The following SERPINB1 variants were observed in gnomAD, a reference collection of about 807,000 sequenced individuals.
SERPINB1 encodes leukocyte elastase inhibitor.
A neutral mutation model predicts 25.9 loss-of-function variants in SERPINB1; 23 were observed. The observed-to-expected ratio is 0.89, with a 90% CI of 0.64 to 1.26. SERPINB1 has a LOEUF of 1.26. Ranked by LOEUF, SERPINB1 falls within the 50% of genes most tolerant of loss-of-function variation. The probability of loss-of-function intolerance (pLI) is 0.00; values close to 1 mark genes in which losing one functional copy is unlikely to be tolerated. For missense variants in SERPINB1, 399 were observed against 463.6 expected, an observed-to-expected ratio of 0.86 and a Z score of 1.28; for synonymous variants, 178 against 178.7, an observed-to-expected ratio of 1.00 and a Z score of 0.03.
chr6:2,839,528 AC>A (rs1215336110), intron 2 of SERPINB1: 8 of 962,382 alleles, frequency 8.3e-6, no homozygotes, highest in African/African-American at 1.8e-5. Flanking sequence ...TTTAAAAAAA[AC>A]ATTTAAAATG....
In SERPINB1 at chr6:2,838,610, G is replaced by A. The variant is rs34825616; in HGVS notation, c.245C>T (p.Ala82Val). ...SLNADINKRG[A>V]SYILKLANRL... The stretch of plus-strand genomic sequence containing the variant: ...ATTAGCAAGTTTCAGAATATAAGAC[G>A]CTCCACGTTTGTTGATATCAGCATT... Residue 82 changes from alanine to valine, a missense_variant, in exon 3 of 7, where the codon GCG becomes GTG. Physicochemically the swap from Ala to Val is moderately conservative, Grantham distance 64. Transcript: ENST00000380739. The A allele has an allele frequency of 2.3e-3, 3,700 of 1,609,668 alleles. 68 individuals carry two copies. In the African/African-American group the frequency reaches 0.044, roughly 19 times the overall value.
In SERPINB1 at chr6:2,838,661, T is replaced by A; in HGVS notation, c.194A>T (p.Glu65Val). The A allele has an allele frequency of 6.3e-7, 1 of 1,592,794 alleles. No homozygotes were observed. The highest frequency in any genetic ancestry group is 8.5e-7 in the Non-Finnish European group (1 of 1,170,640). ...SKTFHFNTVE[E>V]VHSRFQSLNA... ...CAGACTCTGGAATCTTGAATGAACCTCTTCAACCGTGTTGAAATGGAAAGT... is the reference window on the plus strand; with the variant it reads ...CAGACTCTGGAATCTTGAATGAACCACTTCAACCGTGTTGAAATGGAAAGT... The change falls in exon 3 of 7, where the codon GAG becomes GTG. Residue 65 changes from glutamate (E) to valine (V), a missense_variant. Coordinates refer to ENST00000380739, the MANE Select transcript of SERPINB1 (RefSeq NM_030666.4).
rs1766535478 is a variant in SERPINB1, at chr6:2,837,784, G to C, written c.424+98C>G. 1 of 884,596 alleles carries C rather than the reference G, an allele frequency of 1.1e-6. No individual in the cohort carries two copies. Among genetic ancestry groups the C allele is most frequent in the African/African-American group, 1.6e-5 (1 of 60,690 alleles). The allele number at this position is 884,596 out of a possible 1,614,324, so 54.8% of individuals were successfully genotyped here. A position where few individuals can be genotyped will look rare whatever the true frequency, so the allele number is the denominator to read the frequency against. On this transcript the variant is annotated intron_variant, in intron 4 of 6. Transcript: ENST00000380739. The surrounding 1 kb of genome is among the most constrained non-coding windows in gnomAD (Gnocchi z 4.3). The stretch of plus-strand genomic sequence containing the variant: ...TAACCACGATGTGCGCCAGGACTGT[G>C]GGAGCTGGGGAGGGAATAACTGCAG...
intron 1 of SERPINB1, 28 bp from the exon 2 acceptor site, chr6:2,840,622 T>C (rs754593068): frequency 1.3e-6 from 2 of 1,566,466 alleles, no homozygotes; most frequent in Non-Finnish European, 1.7e-6. Context: ...GTCCTCATGG[T>C]GCCCACTGCC....
Position 2,835,803 on chromosome 6 carries a change from T to G in SERPINB1, c.735+53A>C, listed in dbSNP as rs570593536. ...ACACTTAACAAGCACCTACCTACCA[T>G]GCGACACACACATGCAAGAGGAACC... is the stretch of plus-strand genomic sequence containing the variant. On this transcript the variant is annotated intron_variant, in intron 6 of 6. Coordinates refer to ENST00000380739, the MANE Select transcript of SERPINB1 (RefSeq NM_030666.4). 27 of 1,562,754 alleles carry G rather than the reference T, an allele frequency of 1.7e-5. No individual in the cohort carries two copies. In the East Asian group the frequency reaches 5.9e-4, roughly 34 times the overall value.
rs1401371290 is a variant in SERPINB1, at chr6:2,838,565, G to A, written c.290C>T (p.Thr97Ile). 1 of 1,599,108 alleles carries A rather than the reference G, an allele frequency of 6.3e-7. No individual in the cohort carries two copies. Among genetic ancestry groups the A allele is most frequent in the Non-Finnish European group, 8.5e-7 (1 of 1,173,510 alleles). Reference protein sequence around the residue: ...KLANRLYGEKTYNFLPEFLVS... With the variant: ...KLANRLYGEKIYNFLPEFLVS... ...AGTACTTACAGGAAGGAAATTGTAA[G>A]TTTTCTCTCCATATAATCTATTAGC... The change falls in exon 3 of 7, where the codon ACT (threonine) becomes ATT (isoleucine). Residue 97 changes from threonine (T) to isoleucine (I), a missense_variant. Transcript: ENST00000380739.
chr6:2,838,304 T>A (rs1474526683), intron 3 of SERPINB1, among the ~76,000 whole-genome samples: 1 of 152,230 alleles, frequency 6.6e-6, no homozygotes, highest in Non-Finnish European at 1.5e-5. Context: ...CTGATTGTAC[T>A]CTTGCTTCAG....
chr6:2,836,865 A>AAAAC (rs945403135), intron 4 of SERPINB1, among the ~76,000 whole-genome samples: 2 of 152,128 alleles, frequency 1.3e-5, no homozygotes, highest in Non-Finnish European at 2.9e-5. Flanking sequence ...TTAAAAACAA[A>AAAAC]AAACAAACAA....
rs754040118 is a variant in SERPINB1, at chr6:2,840,505, T to C, written c.82A>G (p.Ile28Val). ...ALSENNPAGN[I>V]FISPFSISSA... ...GAAATGCTGAAGGGAGAGATGAAGATGTTTCCAGCCGGATTGTTCTCACTC... is the reference window on the plus strand; with the variant it reads ...GAAATGCTGAAGGGAGAGATGAAGACGTTTCCAGCCGGATTGTTCTCACTC... Residue 28 changes from isoleucine to valine, a missense_variant, in exon 2 of 7, where the codon ATC becomes GTC. Physicochemically the swap from Ile to Val is conservative, Grantham distance 29. Coordinates refer to ENST00000380739, the MANE Select transcript of SERPINB1 (RefSeq NM_030666.4). The C allele has an allele frequency of 6.2e-7, 1 of 1,614,144 alleles. No homozygotes were observed. The highest frequency in any genetic ancestry group is 8.5e-7 in the Non-Finnish European group (1 of 1,180,028).
rs1456650722 is a variant in SERPINB1, at chr6:2,836,025, T to G, written c.568-2A>C. ...CATTTTCACAGTTTTTCTGTCTTTC[T>G]GAACAGTTTTAAAAAATCACTGAAA... is the stretch of plus-strand genomic sequence containing the variant. On this transcript the variant is annotated splice_acceptor_variant, in intron 5 of 6. Transcript: ENST00000380739. LOFTEE classifies it high-confidence loss of function. 1 of 1,614,158 alleles carries G rather than the reference T, an allele frequency of 6.2e-7. No homozygotes were observed. The highest frequency in any genetic ancestry group is 8.5e-7 in the Non-Finnish European group (1 of 1,180,016).
In SERPINB1 at chr6:2,836,093, G is replaced by T. The variant is rs751473888; in HGVS notation, c.567+15C>A. 6.2e-6 allele frequency: 10 copies of T among 1,613,818 alleles called. No individual in the cohort carries two copies. The East Asian group carries it at 2.0e-4, about 32-fold the overall frequency. On this transcript the variant is annotated intron_variant, in intron 5 of 6. Coordinates refer to ENST00000380739, the MANE Select transcript of SERPINB1 (RefSeq NM_030666.4). ...TTAGAGCAATGCATGACTCTGTACA[G>T]TTACCTCACCTCACCTTATTCAATC...
intron 2 of SERPINB1, 27 bp from the exon 3 acceptor site, chr6:2,838,713 C>T: frequency 1.3e-6 from 2 of 1,514,328 alleles, no homozygotes; most frequent in Non-Finnish European, 1.8e-6. Flanking sequence ...CTTCTTTCTA[C>T]AACCATTTAT....
intron 6 of SERPINB1, 52 bp downstream of exon 6, chr6:2,835,804 G>T: frequency 6.4e-7 from 1 of 1,562,824 alleles, no homozygotes; most frequent in Non-Finnish European, 8.7e-7. Flanking sequence ...TACCTACCAT[G>T]CGACACACAC....
intron 2 of SERPINB1, among the ~76,000 whole-genome samples, chr6:2,839,057 C>T (rs1766575297): frequency 6.6e-6 from 1 of 152,004 alleles, no homozygotes; most frequent in Non-Finnish European, 1.5e-5. Flanking sequence ...ACTGAAAGTT[C>T]TCAGAAATAA....
rs772704497 is a variant in SERPINB1, at chr6:2,835,979, A to G, written c.612T>C (p.Phe204=). The change falls in exon 6 of 7, where the codon TTT becomes TTC. Residue 204 remains phenylalanine (F), a synonymous_variant. Transcript: ENST00000380739. The stretch of plus-strand genomic sequence containing the variant: ...TAAGGTCCTCGATGTAGCCATATGC[A>G]AATTTTTTCTTCTGATACATCATTT... ...TVKMMYQKKK[F]AYGYIEDLKC... The G allele has an allele frequency of 6.2e-7, 1 of 1,614,162 alleles. No individual in the cohort carries two copies. Among genetic ancestry groups the G allele is most frequent in the East Asian group, 2.2e-5 (1 of 44,884 alleles).
chr6:2,841,695 G>A lies in SERPINB1; in HGVS notation c.-9+117C>T, dbSNP rs1766660366. 1 of 152,054 alleles carries A rather than the reference G, an allele frequency of 6.6e-6. No individual in the cohort carries two copies. The highest frequency in any genetic ancestry group is 2.1e-4 in the South Asian group (1 of 4,820). The allele number at this position is 152,054 out of a possible 1,614,324, so 9.4% of individuals were successfully genotyped here. ...GCGGGGAGGGCGAGCGCAGGGAGCT[G>A]CGGGTCTGAGGGGCCTGAGCCTGGG... On this transcript the variant is annotated intron_variant, in intron 1 of 6. Coordinates refer to ENST00000380739, the MANE Select transcript of SERPINB1 (RefSeq NM_030666.4). The surrounding 1 kb of genome is among the most constrained non-coding windows in gnomAD (Gnocchi z 4.5).
rs1248390108 is a variant in SERPINB1, at chr6:2,837,066, T to C, written c.424+816A>G. Reference sequence around the variant, plus strand: ...CCCTAAAAGCAAGTCAGTCCCCACCTACCACAACTTTTTTACTGGACAAGA... The same window carrying C: ...CCCTAAAAGCAAGTCAGTCCCCACCCACCACAACTTTTTTACTGGACAAGA... On this transcript the variant is annotated intron_variant, in intron 4 of 6. Transcript: ENST00000380739. The surrounding 1 kb of genome is among the most constrained non-coding windows in gnomAD (Gnocchi z 4.3). Among the ~76,000 whole-genome samples the C allele has an allele frequency of 6.6e-6, 1 of 152,148 alleles. No homozygotes were observed. The highest frequency in any genetic ancestry group is 1.5e-5 in the Non-Finnish European group (1 of 68,014).
At chr6:2,835,445 T>C (rs1766456900) in intron 6 of SERPINB1, among the ~76,000 whole-genome samples, 1 of 152,226 alleles carries the variant, frequency 6.6e-6, no homozygotes, top group African/African-American at 2.4e-5. Flanking sequence ...TTCAAGAGCC[T>C]TTCCATGAGC....
At chr6:2,840,368 A>T in intron 2 of SERPINB1, 51 bp downstream of exon 2, 1 of 1,604,576 alleles carries the variant, frequency 6.2e-7, no homozygotes, top group African/African-American at 1.3e-5. Context: ...CAGACTGTCC[A>T]TTCGTAGGGA....
Sources: allele counts gnomAD v4.1 joint callset (sites outside exome capture counted in the v4.1 genomes callset), GRCh38; gene constraint gnomAD v4.1.1; non-coding constraint Gnocchi (gnomAD v3.1); transcripts MANE v1.5; gene names NCBI Gene and HGNC (gene_info 2026-07-23, HGNC 2026-07-21).